ST18: variants seen among roughly 807,000 people sequenced by gnomAD.
The protein encoded by ST18 is suppression of tumorigenicity 18 protein.
In ST18, 50 loss-of-function variants were observed where a neutral mutation model predicts 110.0. That is an observed-to-expected ratio of 0.45 (90% CI 0.36 to 0.58). The LOEUF (loss-of-function observed/expected upper bound fraction) is 0.58, where lower values mean the gene tolerates loss of function less well. Ranked by LOEUF, ST18 falls within the 20% of genes least tolerant of loss-of-function variation. The probability of loss-of-function intolerance (pLI) is 0.00; values close to 1 mark genes in which losing one functional copy is unlikely to be tolerated. For missense variants in ST18, 1,306 were observed against 1,280.1 expected (o/e 1.02, Z -0.31); for synonymous variants, 461 against 452.4 (o/e 1.02, Z -0.24).
Position 52,275,275 on chromosome 8 carries a change from T to C in ST18, c.-464-45198A>G, listed in dbSNP as rs185576477. Among the ~76,000 whole-genome samples the C allele has an allele frequency of 3.8e-3, 584 of 152,352 alleles. 3 individuals carry two copies. The highest frequency in any genetic ancestry group is 0.013 in the African/African-American group (557 of 41,590). On this transcript the variant is annotated intron_variant, in intron 2 of 25. Transcript: ENST00000689386. Reference sequence around the variant, plus strand: ...AAATAAAAACTTGTGACCTTGTGAATAGTGACAACACTGTCTTCTACTATC... The same window carrying C: ...AAATAAAAACTTGTGACCTTGTGAACAGTGACAACACTGTCTTCTACTATC...
intron 3 of ST18, among the ~76,000 whole-genome samples, chr8:52,226,764 A>G (rs1228222852): frequency 1.3e-5 from 2 of 152,244 alleles, no homozygotes; most frequent in African/African-American, 4.8e-5. Context: ...CATTTTTAAT[A>G]AAGTTCAAAG....
chr8:52,166,616 T>G (rs2063085497), intron 11 of ST18, among the ~76,000 whole-genome samples: 1 of 152,254 alleles, frequency 6.6e-6, no homozygotes, highest in African/African-American at 2.4e-5. Context: ...CTCTGGACAC[T>G]GTGAGGAACT....
rs556111642 is a variant in ST18 at position 52,118,327 on chromosome 8, CT to C, written c.2859+10del. 36 of 1,558,104 alleles carry C rather than the reference CT, an allele frequency of 2.3e-5. No individual in the cohort carries two copies. The highest frequency in any genetic ancestry group is 2.8e-5 in the Non-Finnish European group (32 of 1,140,546). ...TTACATTAAGGATCATGAATTACTT[CT>C]TTTTTTTACCTGGGTCTGAAGTTTC... On this transcript the variant is annotated intron_variant, in intron 24 of 25. Transcript: ENST00000689386.
intron 2 of ST18, among the ~76,000 whole-genome samples, chr8:52,396,304 C>A (rs1229201076): frequency 1.3e-5 from 2 of 152,048 alleles, no homozygotes; most frequent in Non-Finnish European, 2.9e-5. Flanking sequence ...CCACCCTCAC[C>A]CCTAGTAACC....
chr8:52,177,140 C>T (rs1381610537), intron 9 of ST18, among the ~76,000 whole-genome samples: 3 of 152,174 alleles, frequency 2.0e-5, no homozygotes, highest in Non-Finnish European at 1.5e-5. Flanking sequence ...TTCTCCCTGC[C>T]TGTGTCAGGA....
Position 52,113,256 on chromosome 8 carries a change from G to A in ST18, c.3086C>T (p.Pro1029Leu), listed in dbSNP as rs533229892. Residue 1029 changes from proline to leucine, a missense_variant, in exon 26 of 26, where the codon CCG becomes CTG. Physicochemically the swap from Pro to Leu is moderately conservative, Grantham distance 98 (BLOSUM62 -3). Transcript: ENST00000689386. The part of the protein sequence containing the change: ...MYSNLERDYS[P>L]ECKALLESIK... ...ACTTTCCAGTAGAGCTTTGCATTCCGGGGAATAGTCCCGTTCCAGATTGCT... is the reference window on the plus strand; with the variant it reads ...ACTTTCCAGTAGAGCTTTGCATTCCAGGGAATAGTCCCGTTCCAGATTGCT... 6.8e-6 allele frequency: 11 copies of A among 1,614,052 alleles called. No homozygotes were observed. The highest frequency in any genetic ancestry group is 5.5e-5 in the South Asian group (5 of 91,072).
chr8:52,171,618 G>A, intron 10 of ST18, 174 bp downstream of exon 10: 5 of 751,624 alleles, frequency 6.7e-6, no homozygotes, highest in Non-Finnish European at 1.1e-5. Flanking sequence ...TTGATTGGAG[G>A]ATAATCTAGA....
intron 15 of ST18, among the ~76,000 whole-genome samples, chr8:52,157,386 T>C (rs1050530623): frequency 9.9e-5 from 15 of 152,108 alleles, no homozygotes; most frequent in Admixed American, 2.0e-4. Flanking sequence ...ATTATAATAT[T>C]GGTTCCTGTA....
chr8:52,264,942 C>G (rs532180443), intron 2 of ST18, among the ~76,000 whole-genome samples: 1 of 152,300 alleles, frequency 6.6e-6, no homozygotes, highest in East Asian at 1.9e-4. Context: ...ATACTCCTCT[C>G]TAGTCTCTTA....
intron 2 of ST18, among the ~76,000 whole-genome samples, chr8:52,353,598 A>G (rs1221739791): frequency 6.6e-6 from 1 of 152,248 alleles, no homozygotes; most frequent in Non-Finnish European, 1.5e-5. Flanking sequence ...ATGGGAGGCA[A>G]AGTGAATGTA....
chr8:52,203,558 C>T (rs1468392739), intron 8 of ST18, among the ~76,000 whole-genome samples: 2 of 151,538 alleles, frequency 1.3e-5, no homozygotes, highest in Non-Finnish European at 2.9e-5. Context: ...ACATTTTAAG[C>T]AGGAAAAAAA....
intron 2 of ST18, among the ~76,000 whole-genome samples, chr8:52,387,385 ATGTT>A (rs1219165569): frequency 2.0e-5 from 3 of 152,178 alleles, no homozygotes; most frequent in Non-Finnish European, 4.4e-5. Flanking sequence ...TATTACCAAT[ATGTT>A]TGTTCCACTA....
At chr8:52,329,719 C>A (rs1808262925) in intron 2 of ST18, among the ~76,000 whole-genome samples, 1 of 151,992 alleles carries the variant, frequency 6.6e-6, no homozygotes, top group Non-Finnish European at 1.5e-5. Flanking sequence ...TGCACCACTG[C>A]ATCTGCACTC....
chr8:52,205,578 T>C (rs745381832), intron 8 of ST18, among the ~76,000 whole-genome samples: 2 of 152,212 alleles, frequency 1.3e-5, no homozygotes, highest in Non-Finnish European at 2.9e-5. Flanking sequence ...ATTTGTATTT[T>C]ATTTTTGATG....
chr8:52,163,908 A>C, intron 13 of ST18, 78 bp downstream of exon 13: 1 of 1,122,302 alleles, frequency 8.9e-7, no homozygotes, highest in African/African-American at 1.5e-5. Flanking sequence ...CAGAGAACTG[A>C]CTCATGAAGG....
At chr8:52,174,855 C>A (rs933063621) in intron 9 of ST18, among the ~76,000 whole-genome samples, 1 of 152,164 alleles carries the variant, frequency 6.6e-6, no homozygotes, top group Non-Finnish European at 1.5e-5. Flanking sequence ...CAGGCTTTCA[C>A]TGGAGTCATA....
intron 2 of ST18, among the ~76,000 whole-genome samples, chr8:52,266,897 C>G (rs1335915023): frequency 6.6e-6 from 1 of 152,104 alleles, no homozygotes; most frequent in Non-Finnish European, 1.5e-5. Flanking sequence ...AAAGCAGTCC[C>G]CTTTCTCTGC....
Position 52,172,600 on chromosome 8 carries a change from C to A in ST18, c.278-17G>T. The A allele has an allele frequency of 6.5e-7, 1 of 1,530,130 alleles. No individual in the cohort carries two copies. The highest frequency in any genetic ancestry group is 1.3e-5 in the South Asian group (1 of 76,016). The allele number at this position is 1,530,130 out of a possible 1,614,324, so 94.8% of individuals were successfully genotyped here. A position where few individuals can be genotyped will look rare whatever the true frequency, so the allele number is the denominator to read the frequency against. ...TGATTTCCTCTATGGAAAAAGAAAA[C>A]CAATATTTGAAGAGCAAGAACAAAA... is the stretch of plus-strand genomic sequence containing the variant. On this transcript the variant is annotated splice_polypyrimidine_tract_variant and intron_variant, in intron 9 of 25. Coordinates refer to ENST00000689386, the MANE Select transcript of ST18 (RefSeq NM_001352837.2).
chr8:52,128,528 CAT>C (rs1409508956), intron 22 of ST18, among the ~76,000 whole-genome samples: 1 of 152,026 alleles, frequency 6.6e-6, no homozygotes, highest in Non-Finnish European at 1.5e-5. Context: ...AATTTTGTCA[CAT>C]AGAGATTTAA....
Sources: allele counts gnomAD v4.1 joint callset (sites outside exome capture counted in the v4.1 genomes callset), GRCh38; gene constraint gnomAD v4.1.1; transcripts MANE v1.5; gene names NCBI Gene and HGNC (gene_info 2026-07-23, HGNC 2026-07-21).